Variants in MROH7 observed in about 807,000 individuals in gnomAD.
The protein encoded by MROH7 is maestro heat like repeat family member 7, also known as maestro heat-like repeat-containing protein family member 7.
MROH7 carries 113 observed loss-of-function variants against 129.2 expected under a neutral mutation model. The observed-to-expected ratio is 0.87, with a 90% CI of 0.75 to 1.02. The LOEUF (loss-of-function observed/expected upper bound fraction) is 1.02, where lower values mean the gene tolerates loss of function less well. Ranked by LOEUF, MROH7 falls within the 50% of genes least tolerant of loss-of-function variation. MROH7 has a pLI of 0.00. For synonymous variants in MROH7, 655 were observed against 667.9 expected (o/e 0.98, Z 0.30); for missense variants, 1,601 against 1,671.3 (o/e 0.96, Z 0.73).
intron 14 of MROH7, among the ~76,000 whole-genome samples, chr1:54,683,811 T>C (rs1414558043): frequency 1.3e-5 from 2 of 152,196 alleles, no homozygotes; most frequent in Non-Finnish European, 2.9e-5. Flanking sequence ...CTTCTACTCA[T>C]CCTTCAGCTG....
At chr1:54,693,435 C>T (rs1003129742) in intron 16 of MROH7, among the ~76,000 whole-genome samples, 1 of 152,172 alleles carries the variant, frequency 6.6e-6, no homozygotes, top group Admixed American at 6.5e-5. Context: ...AAAAAAAGTA[C>T]TTTGAATAGC....
intron 17 of MROH7, 40 bp downstream of exon 17, chr1:54,695,530 C>T: frequency 7.3e-7 from 1 of 1,369,476 alleles, no homozygotes; most frequent in Non-Finnish European, 1.0e-6. Context: ...GGAGCTCCTC[C>T]CGGGCCTCGG....
intron 5 of MROH7, 134 bp downstream of exon 5, chr1:54,669,071 A>C: frequency 1.5e-6 from 1 of 650,484 alleles, no homozygotes; most frequent in Non-Finnish European, 2.7e-6. Flanking sequence ...GGACATCGGG[A>C]ATTGAGTCTC....
chr1:54,651,361 T>C (rs1246260916), intron 1 of MROH7: 1 of 152,180 alleles, frequency 6.6e-6, no homozygotes, highest in Non-Finnish European at 1.5e-5. Context: ...AACTTTCAGG[T>C]GGCCCCCACC....
In MROH7 at chr1:54,695,414, T is replaced by A; in HGVS notation, c.2888T>A (p.Ile963Asn). 1 of 1,613,636 alleles carries A rather than the reference T, an allele frequency of 6.2e-7. No homozygotes were observed. Among genetic ancestry groups the A allele is most frequent in the Non-Finnish European group, 8.5e-7 (1 of 1,179,818 alleles). Residue 963 changes from isoleucine to asparagine, a missense_variant, in exon 17 of 24, where the codon ATC becomes AAC. Physicochemically the swap from Ile to Asn is moderately radical, Grantham distance 149. Coordinates refer to ENST00000421030, the MANE Select transcript of MROH7 (RefSeq NM_001039464.4). Reference sequence around the variant, plus strand: ...TACTCCTGCCAGGAGCTGTGCCGCATCCTCTACCTGCTCATCCCGCTCCTG... The same window carrying A: ...TACTCCTGCCAGGAGCTGTGCCGCAACCTCTACCTGCTCATCCCGCTCCTG... ...VQYSCQELCR[I>N]LYLLIPLLER...
intron 3 of MROH7, among the ~76,000 whole-genome samples, chr1:54,664,493 C>T (rs1644782000): frequency 6.6e-6 from 1 of 152,146 alleles, no homozygotes; most frequent in Non-Finnish European, 1.5e-5. Context: ...AACCACCGTG[C>T]AAAGGCCCTG....
At chr1:54,650,447 G>C (rs910847874) in intron 1 of MROH7, among the ~76,000 whole-genome samples, 2 of 152,146 alleles carry the variant, frequency 1.3e-5, no homozygotes, top group African/African-American at 4.8e-5. Flanking sequence ...GTTAGTGAAA[G>C]AATACCTCAT....
Position 54,692,509 on chromosome 1 carries a change from G to A in MROH7, c.2797G>A (p.Glu933Lys), listed in dbSNP as rs779758027. The A allele has an allele frequency of 2.5e-6, 4 of 1,613,768 alleles. No individual in the cohort carries two copies. Among genetic ancestry groups the A allele is most frequent in the Non-Finnish European group, 8.5e-7 (1 of 1,179,944 alleles). Reference sequence around the variant, plus strand: ...GTTTCTGGAGGACCAGGGTGGCTGGGAGCTCATGGAGCAGGTGGAGAGCCA... The same window carrying A: ...GTTTCTGGAGGACCAGGGTGGCTGGAAGCTCATGGAGCAGGTGGAGAGCCA... ...TTFLEDQGGW[E>K]LMEQVESHHR... is the part of the protein sequence containing the mutation. Residue 933 changes from glutamate (E) to lysine (K), a missense_variant, in exon 16 of 24, where the codon GAG (glutamate) becomes AAG (lysine). Glu to Lys is a moderately conservative substitution (Grantham distance 56). Transcript: ENST00000421030.
At chr1:54,673,335 C>T in intron 8 of MROH7, 149 bp downstream of exon 8, 1 of 653,228 alleles carries the variant, frequency 1.5e-6, no homozygotes, top group South Asian at 1.8e-5. Context: ...GTCTGTCTCA[C>T]AGGCCCTGTC....
intron 10 of MROH7, among the ~76,000 whole-genome samples, chr1:54,676,822 C>T (rs1644989594): frequency 6.6e-6 from 1 of 152,038 alleles, no homozygotes; most frequent in Admixed American, 6.5e-5. Flanking sequence ...GATTCTCCTG[C>T]CTTAGCCTCC....
At chr1:54,647,904 CAAAAAAAAAA>C (rs35151019) in intron 1 of MROH7, among the ~76,000 whole-genome samples, 1 of 87,118 alleles carries the variant, frequency 1.1e-5, no homozygotes, top group South Asian at 3.8e-4. Context: ...GACTCCATCT[CAAAAAAAAAA>C]AAAAAAAAAA....
chr1:54,693,839 T>C (rs765149215), intron 16 of MROH7, among the ~76,000 whole-genome samples: 4 of 152,240 alleles, frequency 2.6e-5, no homozygotes, highest in Non-Finnish European at 5.9e-5. Flanking sequence ...GTCACATGCA[T>C]GATCCCATTT....
chr1:54,650,279 G>A (rs531712600), intron 1 of MROH7, among the ~76,000 whole-genome samples: 3 of 152,324 alleles, frequency 2.0e-5, no homozygotes, highest in Admixed American at 2.0e-4. Context: ...ACTAGCAAGA[G>A]GTTGAGCTGG....
At chr1:54,658,475 A>G (rs1419586333) in intron 3 of MROH7, among the ~76,000 whole-genome samples, 1 of 152,200 alleles carries the variant, frequency 6.6e-6, no homozygotes, top group Non-Finnish European at 1.5e-5. Flanking sequence ...TTGCTTTTTT[A>G]ATAGGAGCAT....
At chr1:54,699,197 CTT>C (rs1420919366) in intron 17 of MROH7, 31 of 126,712 alleles carry the variant, frequency 2.4e-4, no homozygotes, top group East Asian at 4.3e-4. Context: ...CTCTTTCTTT[CTT>C]TCTTTCTCTC....
rs929136838 is a variant in MROH7, at chr1:54,678,671, G to T, written c.1937-71G>T. 9 of 1,025,902 alleles carry T rather than the reference G, an allele frequency of 8.8e-6. No homozygotes were observed. In the African/African-American group the frequency reaches 1.4e-4, roughly 16 times the overall value. 63.5% of individuals were successfully genotyped at this position (1,025,902 alleles called of 1,614,324 possible). A position where few individuals can be genotyped will look rare whatever the true frequency, so the allele number is the denominator to read the frequency against. ...TATCAAGTTAGTTCCTTATGATGTA[G>T]GGACTTCCTACATGTATGTTTAACA... On this transcript the variant is annotated intron_variant, in intron 10 of 23. Coordinates refer to ENST00000421030, the MANE Select transcript of MROH7 (RefSeq NM_001039464.4).
intron 15 of MROH7, among the ~76,000 whole-genome samples, chr1:54,691,803 AGTGTGTGTGTGTGTGT>A (rs373106798): frequency 8.4e-4 from 87 of 104,186 alleles, no homozygotes; most frequent in African/African-American, 3.3e-3. Flanking sequence ...AAAAAAAAAA[AGTGTGTGTGTGTGTGT>A]GTGTGTGTGT....
intron 3 of MROH7, among the ~76,000 whole-genome samples, chr1:54,660,297 A>G (rs182377345): frequency 6.6e-6 from 1 of 152,326 alleles, no homozygotes; most frequent in East Asian, 1.9e-4. Flanking sequence ...TCTTTTATAA[A>G]GGCCTTAATC....
intron 17 of MROH7, chr1:54,697,326 G>A: frequency 3.8e-6 from 1 of 265,150 alleles, no homozygotes; most frequent in Non-Finnish European, 7.1e-6. Context: ...GGTGGGCTAT[G>A]AGTTGGGAGA....
Sources: allele counts gnomAD v4.1 joint callset (sites outside exome capture counted in the v4.1 genomes callset), GRCh38; gene constraint gnomAD v4.1.1; transcripts MANE v1.5; gene names NCBI Gene and HGNC (gene_info 2026-07-23, HGNC 2026-07-21).